SLC6A4: variants seen among roughly 807,000 people sequenced by gnomAD.
The protein encoded by SLC6A4 is sodium-dependent serotonin transporter.
A neutral mutation model predicts 73.4 loss-of-function variants in SLC6A4; 22 were observed. The observed-to-expected ratio is 0.30, with a 90% confidence interval of 0.21 to 0.43. SLC6A4 has a LOEUF of 0.43. Ranked by LOEUF, SLC6A4 falls within the 20% of genes least tolerant of loss-of-function variation. The pLI is 1.00. For missense variants in SLC6A4, 593 were observed against 808.5 expected (o/e 0.73, Z 3.23); for synonymous variants, 270 against 315.5 (o/e 0.86, Z 1.53).
intron 1 of SLC6A4, among the ~76,000 whole-genome samples, chr17:30,227,053 C>T (rs988355232): frequency 2.6e-5 from 4 of 152,304 alleles, no homozygotes; most frequent in Middle Eastern, 3.4e-3. Flanking sequence ...GCTGGCTCGC[C>T]GCGGCGTGTT....
At chr17:30,209,442 C>T (rs919346425) in intron 11 of SLC6A4, among the ~76,000 whole-genome samples, 200 bp from the exon 12 acceptor site, 3 of 152,090 alleles carry the variant, frequency 2.0e-5, no homozygotes, top group Admixed American at 6.5e-5. Flanking sequence ...GAGGCTGAGG[C>T]GGGCGTATCA....
chr17:30,218,800 T>C lies in SLC6A4; in HGVS notation c.475A>G (p.Lys159Glu), dbSNP rs1264232560. 1 of 1,613,960 alleles carries C rather than the reference T, an allele frequency of 6.2e-7. No homozygotes were observed. The highest frequency in any genetic ancestry group is 8.5e-7 in the Non-Finnish European group (1 of 1,179,992). Residue 159 changes from lysine to glutamate, a missense_variant, in exon 4 of 15, where the codon AAA becomes GAA. Transcript: ENST00000650711. ...CCCCACCGAGCCCTTCAGTTACCTT[T>C]GAAAATCGGGCAGATTTTCCTCCAT... ...SIWRKICPIF[K>E]GIGYAICIIA...
chr17:30,215,063 TTCTC>T lies in SLC6A4; in HGVS notation c.1076+544_1076+547del, dbSNP rs753258978. On this transcript the variant is annotated intron_variant, in intron 8 of 14. Coordinates refer to ENST00000650711, the MANE Select transcript of SLC6A4 (RefSeq NM_001045.6). Reference sequence around the variant, plus strand: ...TCTTTCTTTATTTCTCTCTCTCTCTTTCTCTCTCTCTCTTTCTTTCTTTCTGGAA... The same window carrying T: ...TCTTTCTTTATTTCTCTCTCTCTCTTTCTCTCTCTTTCTTTCTTTCTGGAA... 4.3e-3 allele frequency among the ~76,000 whole-genome samples: 655 copies of T among 150,984 alleles called. 6 individuals carry two copies. Among genetic ancestry groups the T allele is most frequent in the African/African-American group, 0.015 (605 of 41,010 alleles).
chr17:30,219,069 G>C (rs1484027939), intron 3 of SLC6A4, 138 bp from the exon 4 acceptor site: 1 of 938,584 alleles, frequency 1.1e-6, no homozygotes, highest in Admixed American at 2.0e-5. Flanking sequence ...CTCATGCTGT[G>C]CTCCTCTGGT....
intron 1 of SLC6A4, among the ~76,000 whole-genome samples, chr17:30,230,075 GAAGAAGAA>G (rs1346643673): frequency 8.5e-6 from 1 of 118,272 alleles, no homozygotes; most frequent in African/African-American, 4.5e-5. Context: ...AGAAGAAGAA[GAAGAAGAA>G]GAAGAAGAAG....
chr17:30,222,140 T>C (rs1906786746), intron 2 of SLC6A4, 59 bp from the exon 3 acceptor site: 3 of 1,091,436 alleles, frequency 2.7e-6, no homozygotes, highest in Middle Eastern at 2.0e-4. Flanking sequence ...TCATCTTTGG[T>C]ATTAACTCAT....
chr17:30,196,184 C>A lies in SLC6A4; in HGVS notation c.*2272G>T, dbSNP rs1166735618. 1.3e-5 allele frequency: 2 copies of A among 151,570 alleles called. No homozygotes were observed. The highest frequency in any genetic ancestry group is 4.9e-5 in the African/African-American group (2 of 41,218). 9.4% of individuals were successfully genotyped at this position (151,570 alleles called of 1,614,324 possible). On this transcript the variant is annotated 3_prime_UTR_variant, in exon 15 of 15. Transcript: ENST00000650711. ...CCTTAAATAATGTTACAATTCAATT[C>A]TATTTTTAGTTTTTATTTTTCTATA...
At chr17:30,230,942 T>C (rs1907092583) in intron 1 of SLC6A4, among the ~76,000 whole-genome samples, 2 of 152,116 alleles carry the variant, frequency 1.3e-5, no homozygotes, top group Admixed American at 6.5e-5. Flanking sequence ...TCATGAAAAA[T>C]CAGTTCATCC....
intron 8 of SLC6A4, among the ~76,000 whole-genome samples, chr17:30,213,302 C>CTT (rs3034289): frequency 0.021 from 2,715 of 129,794 alleles, 112 homozygotes; most frequent in African/African-American, 0.069. Context: ...ATTTTTTTTT[C>CTT]TTTTTTTTTT....
In SLC6A4 at chr17:30,221,795, G is replaced by A. The variant is rs746829911; in HGVS notation, c.164C>T (p.Ala55Val). The change falls in exon 3 of 15, where the codon GCG (alanine) becomes GTG (valine). Residue 55 changes from alanine (A) to valine (V), a missense_variant. Ala to Val is a moderately conservative substitution (Grantham distance 64). Coordinates refer to ENST00000650711, the MANE Select transcript of SLC6A4 (RefSeq NM_001045.6). Reference sequence around the variant, plus strand: ...GATAGAGTGCCGTGTGTCATCTCCCGCACCAGGACTTGGAACTGCTGAGTA... The same window carrying A: ...GATAGAGTGCCGTGTGTCATCTCCCACACCAGGACTTGGAACTGCTGAGTA... ...NGYSAVPSPG[A>V]GDDTRHSIPA... The A allele has an allele frequency of 1.1e-5, 18 of 1,614,002 alleles. 1 individual carries two copies. The highest frequency in any genetic ancestry group is 6.7e-5 in the East Asian group (3 of 44,892).
intron 2 of SLC6A4, 30 bp downstream of exon 2, chr17:30,222,789 G>A (rs199510016): frequency 2.3e-5 from 30 of 1,304,126 alleles, no homozygotes; most frequent in South Asian, 7.4e-5. Context: ...TTGCAAGCCC[G>A]ACTGGTCCTT....
At chr17:30,215,766 C>T in intron 7 of SLC6A4, 52 bp from the exon 8 acceptor site, 1 of 1,518,340 alleles carries the variant, frequency 6.6e-7, no homozygotes, top group Non-Finnish European at 9.1e-7. Flanking sequence ...CACAGGCTTA[C>T]CCTGGCACCA....
rs56377481 is a variant in SLC6A4, at chr17:30,234,491, C to G, written c.-221+1122G>C. Among the ~76,000 whole-genome samples, 1,357 of 152,252 alleles carry G rather than the reference C, an allele frequency of 8.9e-3. 19 individuals carry two copies. The highest frequency in any genetic ancestry group is 0.031 in the African/African-American group (1,284 of 41,534). ...GAGTGCGTGGCAGGAAAACCCGAAC[C>G]CTGGGGCCTCAGTGGCTTCACACAG... On this transcript the variant is annotated intron_variant, in intron 1 of 14. Transcript: ENST00000650711.
rs150840872 is a variant in SLC6A4 at position 30,198,329 on chromosome 17, T to C, written c.*127A>G. ...GTCTGGGCACCAGACTGTGTCCCTG[T>C]GGAGAAGGCCCTTCCATCATCAGGC... On this transcript the variant is annotated 3_prime_UTR_variant, in exon 15 of 15. Coordinates refer to ENST00000650711, the MANE Select transcript of SLC6A4 (RefSeq NM_001045.6). The C allele has an allele frequency of 3.3e-6, 2 of 612,426 alleles. No homozygotes were observed. Among genetic ancestry groups the C allele is most frequent in the East Asian group, 2.8e-5 (1 of 35,742 alleles). 37.9% of individuals were successfully genotyped at this position (612,426 alleles called of 1,614,324 possible).
At chr17:30,212,983 G>T in intron 8 of SLC6A4, 116 bp from the exon 9 acceptor site, 1 of 1,129,944 alleles carries the variant, frequency 8.8e-7, no homozygotes, top group Non-Finnish European at 1.3e-6. Context: ...AGGACAAGCA[G>T]GCTGAACTCA....
intron 14 of SLC6A4, among the ~76,000 whole-genome samples, chr17:30,198,933 C>G (rs1343226054): frequency 6.6e-6 from 1 of 152,146 alleles, no homozygotes; most frequent in Non-Finnish European, 1.5e-5. Context: ...GGCCCCCATC[C>G]CCTCACCCAG....
intron 1 of SLC6A4, among the ~76,000 whole-genome samples, chr17:30,231,078 A>G (rs771283510): frequency 6.6e-6 from 1 of 152,174 alleles, no homozygotes; most frequent in Non-Finnish European, 1.5e-5. Flanking sequence ...TCATTGAGAC[A>G]GCGGGGGAAA....
In SLC6A4 at chr17:30,218,422, C is replaced by A. The variant is rs1023361058; in HGVS notation, c.479-85G>T. The A allele has an allele frequency of 8.6e-6, 9 of 1,050,588 alleles. No homozygotes were observed. The African/African-American group carries it at 1.4e-4, about 16-fold the overall frequency. 65.1% of individuals were successfully genotyped at this position (1,050,588 alleles called of 1,614,324 possible). A position where few individuals can be genotyped will look rare whatever the true frequency, so the allele number is the denominator to read the frequency against. On this transcript the variant is annotated intron_variant, in intron 4 of 14. Coordinates refer to ENST00000650711, the MANE Select transcript of SLC6A4 (RefSeq NM_001045.6). ...AGGCTGAAACGGGGCACTGGAGAGC[C>A]CCGCAGCCCAGCAGAGGGGTACACG...
At chr17:30,212,379 C>T (rs1906414543) in intron 9 of SLC6A4, among the ~76,000 whole-genome samples, 1 of 152,184 alleles carries the variant, frequency 6.6e-6, no homozygotes, top group African/African-American at 2.4e-5. Context: ...GAGCTTCTCT[C>T]AAATCTTTGA....
Sources: allele counts gnomAD v4.1 joint callset (sites outside exome capture counted in the v4.1 genomes callset), GRCh38; gene constraint gnomAD v4.1.1; transcripts MANE v1.5; gene names NCBI Gene and HGNC (gene_info 2026-07-23, HGNC 2026-07-21).